Variants in NCOA7 observed in about 807,000 individuals in gnomAD.
NCOA7 encodes the protein 140 kDa estrogen receptor-associated protein.
Under a neutral mutation model 104.3 loss-of-function variants are expected in NCOA7, and 45 were observed. The observed-to-expected ratio is 0.43, with a 90% CI of 0.34 to 0.55. The LOEUF (loss-of-function observed/expected upper bound fraction) is 0.55. NCOA7 is among the 20% of genes least tolerant of loss of function. NCOA7 has a pLI of 0.02. For synonymous variants in NCOA7, 398 were observed against 402.3 expected (o/e 0.99, Z 0.13); for missense variants, 1,041 against 1,119.7 (o/e 0.93, Z 1.00).
At chr6:125,863,838 A>C (rs1324714076) in intron 3 of NCOA7, among the ~76,000 whole-genome samples, 1 of 137,480 alleles carries the variant, frequency 7.3e-6, no homozygotes, top group Non-Finnish European at 1.5e-5. Flanking sequence ...GGCCTCTTTT[A>C]TAAGGGCAAT....
At chr6:125,795,496 G>A (rs760822107) in intron 1 of NCOA7, among the ~76,000 whole-genome samples, 1 of 152,098 alleles carries the variant, frequency 6.6e-6, no homozygotes, top group Non-Finnish European at 1.5e-5. Flanking sequence ...GACATTTTAT[G>A]CATATGCAAG....
chr6:125,919,646 C>A (rs771631021), intron 11 of NCOA7, among the ~76,000 whole-genome samples: 1 of 150,354 alleles, frequency 6.7e-6, no homozygotes, highest in Non-Finnish European at 1.5e-5. Context: ...TCCACAGCCT[C>A]ATTTTATACT....
chr6:125,905,522 G>A (rs1466269833), intron 10 of NCOA7, among the ~76,000 whole-genome samples: 3 of 152,064 alleles, frequency 2.0e-5, no homozygotes, highest in South Asian at 2.1e-4. Context: ...TCGGCCTCCC[G>A]AAGTGCTGGG....
intron 1 of NCOA7, among the ~76,000 whole-genome samples, chr6:125,792,466 A>G (rs992744344): frequency 6.6e-6 from 1 of 152,224 alleles, no homozygotes; most frequent in Non-Finnish European, 1.5e-5. Context: ...TCGTGTTTTA[A>G]AGAAAATTGT....
rs1159662827 is a variant in NCOA7, at chr6:125,889,879, T to C, written c.1825T>C (p.Ser609Pro). 1.2e-6 allele frequency: 2 copies of C among 1,612,384 alleles called. No homozygotes were observed. Among genetic ancestry groups the C allele is most frequent in the African/African-American group, 2.7e-5 (2 of 74,824 alleles). Residue 609 changes from serine to proline, a missense_variant, in exon 9 of 16, where the codon TCT (serine) becomes CCT (proline). Around this residue, in one of 2 missense-constraint regions of NCOA7, gnomAD observed 914 missense variants for 942.7 expected, o/e 0.97. Coordinates refer to ENST00000392477, the MANE Select transcript of NCOA7 (RefSeq NM_181782.5). ...ANVIKEALDS[S>P]LESTLDNSCQ... Reference sequence around the variant, plus strand: ...TGTGATTAAAGAGGCTCTAGACTCCTCTTTGGAATCTACTCTGGACAACAG... The same window carrying C: ...TGTGATTAAAGAGGCTCTAGACTCCCCTTTGGAATCTACTCTGGACAACAG...
At chr6:125,823,968 TCA>T (rs1778429422) in intron 2 of NCOA7, among the ~76,000 whole-genome samples, 1 of 152,176 alleles carries the variant, frequency 6.6e-6, no homozygotes, top group African/African-American at 2.4e-5. Context: ...ACATATTGAA[TCA>T]CAGTTTAAAT....
intron 10 of NCOA7, among the ~76,000 whole-genome samples, chr6:125,891,697 T>G (rs1407755003): frequency 6.6e-6 from 1 of 152,216 alleles, no homozygotes; most frequent in African/African-American, 2.4e-5. Context: ...TCTGGCTGAC[T>G]ACTACCTAGA....
intron 3 of NCOA7, 195 bp downstream of exon 3, chr6:125,855,435 G>A (rs1211267505): frequency 1.9e-6 from 1 of 515,240 alleles, no homozygotes; most frequent in African/African-American, 1.9e-5. Flanking sequence ...TTAAATTTGT[G>A]TTCCCAGCAT....
chr6:125,906,854 C>G (rs187235858), intron 10 of NCOA7, among the ~76,000 whole-genome samples: 1 of 152,152 alleles, frequency 6.6e-6, no homozygotes, highest in Non-Finnish European at 1.5e-5. Context: ...AAAGAACATT[C>G]CAATAATTAG....
At chr6:125,896,118 T>C (rs187586551) in intron 10 of NCOA7, among the ~76,000 whole-genome samples, 1 of 151,038 alleles carries the variant, frequency 6.6e-6, no homozygotes, top group Non-Finnish European at 1.5e-5. Flanking sequence ...ATTGATTTAA[T>C]CATGTACTTA....
At chr6:125,928,118 A>T in intron 14 of NCOA7, 56 bp from the exon 15 acceptor site, 2 of 1,453,246 alleles carry the variant, frequency 1.4e-6, no homozygotes, top group Non-Finnish European at 1.9e-6. Context: ...ATATTTCCTC[A>T]TTGCTAATTC....
At chr6:125,804,997 T>C (rs1053487954) in intron 1 of NCOA7, among the ~76,000 whole-genome samples, 2 of 152,018 alleles carry the variant, frequency 1.3e-5, no homozygotes, top group African/African-American at 4.8e-5. Context: ...AAAGTGCATT[T>C]AGTATGAATA....
At chr6:125,899,830 C>A in intron 10 of NCOA7, 1 of 288,540 alleles carries the variant, frequency 3.5e-6, no homozygotes, top group Admixed American at 2.9e-5. Context: ...TTGGCAAATA[C>A]CTTGAGTTAA....
chr6:125,869,722 A>T (rs1384072998), intron 3 of NCOA7, among the ~76,000 whole-genome samples: 1 of 152,214 alleles, frequency 6.6e-6, no homozygotes, highest in African/African-American at 2.4e-5. Context: ...CTGCAGACGC[A>T]GAACTGGCTA....
At chr6:125,850,562 A>T (rs985206056) in intron 2 of NCOA7, among the ~76,000 whole-genome samples, 2 of 152,208 alleles carry the variant, frequency 1.3e-5, no homozygotes, top group South Asian at 4.1e-4. Flanking sequence ...GCTGCCGTTC[A>T]TCAAAGCACA....
At chr6:125,814,849 T>G (rs1205766620) in intron 1 of NCOA7, among the ~76,000 whole-genome samples, 12 of 152,180 alleles carry the variant, frequency 7.9e-5, no homozygotes. Context: ...GTTATTTTTA[T>G]TTTTTTAAAA....
chr6:125,850,249 G>A (rs1270557571), intron 2 of NCOA7, among the ~76,000 whole-genome samples: 4 of 152,158 alleles, frequency 2.6e-5, no homozygotes, highest in South Asian at 4.1e-4. Context: ...ATTTCCAGTT[G>A]CAAGATCAGA....
chr6:125,799,796 A>G (rs1382867263), intron 1 of NCOA7, among the ~76,000 whole-genome samples: 3 of 152,062 alleles, frequency 2.0e-5, no homozygotes, highest in African/African-American at 7.2e-5. Context: ...ATGTCCTTCT[A>G]TTTTCTAGCA....
At chr6:125,829,262 A>G (rs1289741551) in intron 2 of NCOA7, among the ~76,000 whole-genome samples, 2 of 152,184 alleles carry the variant, frequency 1.3e-5, no homozygotes, top group Non-Finnish European at 2.9e-5. Flanking sequence ...CAATTTTTTT[A>G]GTAGAACTTT....
Sources: gnomAD v4.1 joint callset for allele counts (sites outside exome capture counted in the v4.1 genomes callset) on GRCh38, gnomAD v4.1.1 for gene constraint, gnomAD v4.1.1 regional missense constraint, MANE v1.5 for transcripts, NCBI Gene and HGNC (gene_info 2026-07-23, HGNC 2026-07-21) for gene names.